The following CNTNAP5 variants were observed in gnomAD, a reference collection of about 807,000 sequenced individuals.
CNTNAP5 encodes the protein contactin associated protein family member 5.
A neutral mutation model predicts 150.2 loss-of-function variants in CNTNAP5; 72 were observed. The ratio of observed to expected loss-of-function variants is 0.48; its 90% CI spans 0.40 to 0.58. The LOEUF (loss-of-function observed/expected upper bound fraction) is 0.58. Ranked by LOEUF, CNTNAP5 falls within the 20% of genes least tolerant of loss-of-function variation. The pLI, the probability that CNTNAP5 is intolerant of heterozygous loss-of-function variation, is 0.00. For missense variants in CNTNAP5, 1,636 were observed against 1,626.2 expected, an observed-to-expected ratio of 1.01 and a Z score of -0.10; for synonymous variants, 672 against 619.8, an observed-to-expected ratio of 1.08 and a Z score of -1.25.
intron 3 of CNTNAP5, among the ~76,000 whole-genome samples, chr2:124,406,824 C>T (rs1691583350): frequency 6.6e-6 from 1 of 152,012 alleles, no homozygotes; most frequent in Non-Finnish European, 1.5e-5. Context: ...ATGTTTGTAC[C>T]CATTAACCAA....
chr2:124,590,517 C>A (rs572599689), intron 11 of CNTNAP5, among the ~76,000 whole-genome samples: 3 of 152,228 alleles, frequency 2.0e-5, no homozygotes, highest in African/African-American at 7.2e-5. Context: ...GAAATAAGGC[C>A]AAGGCAAAGT....
chr2:124,830,080 T>G (rs1171779727), intron 19 of CNTNAP5, among the ~76,000 whole-genome samples: 1 of 151,810 alleles, frequency 6.6e-6, no homozygotes, highest in Non-Finnish European at 1.5e-5. Flanking sequence ...CCCATAAATA[T>G]AATGGAAAGA....
intron 12 of CNTNAP5, among the ~76,000 whole-genome samples, chr2:124,629,936 CAAAAAA>C (rs70996084): frequency 1.5e-5 from 1 of 67,772 alleles, no homozygotes; most frequent in Non-Finnish European, 3.1e-5. Flanking sequence ...CACCTCTATG[CAAAAAA>C]AAAAAAAAAA....
At chr2:124,852,965 C>A (rs925178101) in intron 19 of CNTNAP5, among the ~76,000 whole-genome samples, 17 of 152,224 alleles carry the variant, frequency 1.1e-4, no homozygotes, top group Middle Eastern at 3.4e-3. Context: ...AAAAGGGGAG[C>A]TTTTTGGTGA....
chr2:124,818,260 A>T (rs1682410078), intron 19 of CNTNAP5, among the ~76,000 whole-genome samples: 1 of 152,156 alleles, frequency 6.6e-6, no homozygotes, highest in African/African-American at 2.4e-5. Context: ...AGCAACCATG[A>T]TCCCTGGAAG....
At chr2:124,706,842 GGA>G (rs1558743132) in intron 13 of CNTNAP5, among the ~76,000 whole-genome samples, 1 of 4,576 alleles carries the variant, frequency 2.2e-4, no homozygotes, top group Non-Finnish European at 6.4e-4. Context: ...AGGAGGGGGA[GGA>G]AGGAGGAGGA....
At chr2:124,481,799 AT>A (rs549391085) in intron 7 of CNTNAP5, among the ~76,000 whole-genome samples, 23 of 152,254 alleles carry the variant, frequency 1.5e-4, no homozygotes, top group African/African-American at 4.1e-4. Context: ...AGTTGTTTGA[AT>A]TTTTTTCTGC....
chr2:124,051,638 T>G lies in CNTNAP5; in HGVS notation c.82+25906T>G, dbSNP rs574613484. ...AGAAGAGCATTGATGGTGGTGGTGG[T>G]GGGGGCTTACATAGATTTGAAGTTG... On this transcript the variant is annotated intron_variant, in intron 1 of 23. Coordinates refer to ENST00000682447, the MANE Select transcript of CNTNAP5 (RefSeq NM_001367498.1). Among the ~76,000 whole-genome samples, 16 of 152,284 alleles carry G rather than the reference T, an allele frequency of 1.1e-4. No homozygotes were observed. In the South Asian group the frequency reaches 2.3e-3, roughly 22 times the overall value.
At chr2:124,592,852 G>T (rs927186789) in intron 11 of CNTNAP5, among the ~76,000 whole-genome samples, 1 of 151,908 alleles carries the variant, frequency 6.6e-6, no homozygotes, top group Non-Finnish European at 1.5e-5. Flanking sequence ...TATTAGAAAT[G>T]TTAGTGCTTT....
At chr2:124,075,037 T>C (rs985758596) in intron 1 of CNTNAP5, among the ~76,000 whole-genome samples, 3 of 152,126 alleles carry the variant, frequency 2.0e-5, no homozygotes, top group Non-Finnish European at 4.4e-5. Flanking sequence ...TCTGTGACTT[T>C]TAAAAAATTG....
At chr2:124,902,615 G>A (rs1464307052) in intron 21 of CNTNAP5, among the ~76,000 whole-genome samples, 1 of 152,106 alleles carries the variant, frequency 6.6e-6, no homozygotes, top group African/African-American at 2.4e-5. Flanking sequence ...ATACATGAAT[G>A]AAAATTTAGA....
Position 124,473,377 on chromosome 2 carries a change from T to C in CNTNAP5, c.919-1362T>C, listed in dbSNP as rs546286987. Among the ~76,000 whole-genome samples, 8 of 152,128 alleles carry C rather than the reference T, an allele frequency of 5.3e-5. No individual in the cohort carries two copies. In the South Asian group the frequency reaches 6.2e-4, roughly 12 times the overall value. ...CTAGTTAAATAAAATTATTCTGTAA[T>C]TAAACTTTAAAATGAAATAGATAAA... is the stretch of plus-strand genomic sequence containing the variant. On this transcript the variant is annotated intron_variant, in intron 6 of 23. Coordinates refer to ENST00000682447, the MANE Select transcript of CNTNAP5 (RefSeq NM_001367498.1).
At chr2:124,421,192 C>T (rs1692095716) in intron 4 of CNTNAP5, among the ~76,000 whole-genome samples, 2 of 152,140 alleles carry the variant, frequency 1.3e-5, no homozygotes, top group Non-Finnish European at 2.9e-5. Flanking sequence ...TGCTGGTCAC[C>T]CCACATCTGT....
In CNTNAP5 at chr2:124,783,308, TC is replaced by T. The variant is rs1681492926; in HGVS notation, c.2753-6593del. 2.0e-5 allele frequency among the ~76,000 whole-genome samples: 3 copies of T among 152,300 alleles called. No homozygotes were observed. The South Asian group carries it at 6.2e-4, about 32-fold the overall frequency. ...CCTCAATCATTGAAATATTTTCTCA[TC>T]ATCATAAGTTTTAATGGTTTTATAA... On this transcript the variant is annotated intron_variant, in intron 17 of 23. Coordinates refer to ENST00000682447, the MANE Select transcript of CNTNAP5 (RefSeq NM_001367498.1).
chr2:124,644,309 T>G (rs1043569635), intron 12 of CNTNAP5, among the ~76,000 whole-genome samples: 1 of 152,134 alleles, frequency 6.6e-6, no homozygotes, highest in Non-Finnish European at 1.5e-5. Flanking sequence ...CACCTGACCT[T>G]TCAATATTTA....
chr2:124,765,886 G>C (rs1681057850), intron 16 of CNTNAP5, among the ~76,000 whole-genome samples: 1 of 151,954 alleles, frequency 6.6e-6, no homozygotes, highest in African/African-American at 2.4e-5. Context: ...AACCCCACTG[G>C]CAGAGGTTGC....
intron 1 of CNTNAP5, among the ~76,000 whole-genome samples, chr2:124,069,018 A>C (rs1303544652): frequency 6.6e-6 from 1 of 152,122 alleles, no homozygotes; most frequent in Non-Finnish European, 1.5e-5. Context: ...ACAGTGTAGT[A>C]GAGCACCAAG....
intron 1 of CNTNAP5, among the ~76,000 whole-genome samples, chr2:124,186,007 T>G (rs904079541): frequency 2.0e-5 from 3 of 152,260 alleles, no homozygotes; most frequent in Admixed American, 2.0e-4. Flanking sequence ...ACGTTTACTA[T>G]GTATTGTATA....
intron 19 of CNTNAP5, among the ~76,000 whole-genome samples, chr2:124,823,311 C>T (rs1682528549): frequency 6.6e-6 from 1 of 152,094 alleles, no homozygotes; most frequent in African/African-American, 2.4e-5. Flanking sequence ...TCTTTAGAGC[C>T]ATTCACTATA....
Sources: gnomAD v4.1 joint callset for allele counts (sites outside exome capture counted in the v4.1 genomes callset) on GRCh38, gnomAD v4.1.1 for gene constraint, MANE v1.5 for transcripts, NCBI Gene and HGNC (gene_info 2026-07-23, HGNC 2026-07-21) for gene names.